SULF1: variants seen among roughly 807,000 people sequenced by gnomAD.
SULF1 encodes sulfatase 1.
SULF1 carries 46 observed loss-of-function variants against 110.5 expected under a neutral mutation model. The observed-to-expected ratio is 0.42, with a 90% CI of 0.33 to 0.53. The LOEUF (loss-of-function observed/expected upper bound fraction) is 0.53, where lower values mean the gene tolerates loss of function less well. Ranked by LOEUF, SULF1 falls within the 20% of genes least tolerant of loss-of-function variation. SULF1 has a pLI of 0.12. For synonymous variants in SULF1, 371 were observed against 387.1 expected (o/e 0.96, Z 0.49); for missense variants, 941 against 1,094.2 (o/e 0.86, Z 1.98).
chr8:69,474,644 A>G (rs1212062755), intron 1 of SULF1, among the ~76,000 whole-genome samples: 3 of 152,160 alleles, frequency 2.0e-5, no homozygotes, highest in Admixed American at 6.5e-5. Flanking sequence ...GACATGTAAT[A>G]TTTTTTACTT....
chr8:69,488,260 G>A (rs1294231124), upstream of SULF1, among the ~76,000 whole-genome samples: 1 of 152,192 alleles, frequency 6.6e-6, no homozygotes, highest in Non-Finnish European at 1.5e-5. Flanking sequence ...TGCCTGTGGA[G>A]ATGAGAAAAA....
intron 3 of SULF1, among the ~76,000 whole-genome samples, chr8:69,541,215 T>A (rs1050138814): frequency 6.6e-6 from 1 of 152,124 alleles, no homozygotes; most frequent in African/African-American, 2.4e-5. Context: ...GGCATCCACA[T>A]TACACAGAAA....
intron 2 of SULF1, among the ~76,000 whole-genome samples, chr8:69,498,872 A>G (rs1197316092): frequency 6.6e-6 from 1 of 152,126 alleles, no homozygotes; most frequent in Non-Finnish European, 1.5e-5. Context: ...AAAATTATTT[A>G]TTTTGAGACA....
At chr8:69,498,620 T>G (rs1178772568) in intron 2 of SULF1, among the ~76,000 whole-genome samples, 2 of 152,130 alleles carry the variant, frequency 1.3e-5, no homozygotes, top group African/African-American at 4.8e-5. Context: ...GTTTTAAATG[T>G]TATGAGTTCT....
chr8:69,616,792 A>G (rs918057128), intron 13 of SULF1, among the ~76,000 whole-genome samples: 3 of 150,632 alleles, frequency 2.0e-5, no homozygotes, highest in Admixed American at 6.6e-5. Flanking sequence ...ACCTCAGACA[A>G]TCCAGCCTCC....
At position 69,469,050 on chromosome 8, in the gene SULF1, C is replaced by T. The variant is rs62512971; in HGVS notation, c.-391+2100C>T. 8.7e-3 allele frequency among the ~76,000 whole-genome samples: 1,323 copies of T among 152,282 alleles called. 5 individuals are homozygous for T. Among genetic ancestry groups the T allele is most frequent in the Middle Eastern group, 0.021 (6 of 292 alleles). ...GAGATAATAAATTCACACCTTGAAA[C>T]GGCAGCCGTGTTTTTGTCCCCCTAA... On this transcript the variant is annotated intron_variant, in intron 1 of 22. Transcript: ENST00000260128.
At position 69,502,251 on chromosome 8, in the gene SULF1, T is replaced by A. The variant is rs114047967; in HGVS notation, c.-134+283T>A. Among the ~76,000 whole-genome samples the A allele has an allele frequency of 2.9e-3, 448 of 152,206 alleles. 3 individuals carry two copies. The highest frequency in any genetic ancestry group is 0.01 in the African/African-American group (424 of 41,478). On this transcript the variant is annotated intron_variant, in intron 3 of 22. Transcript: ENST00000402687. ...AAACAATCATATGACTATTGACATATTATGAGCTGCTCAGGAAGGAAGCTC... is the reference window on the plus strand; with the variant it reads ...AAACAATCATATGACTATTGACATAATATGAGCTGCTCAGGAAGGAAGCTC...
In SULF1 at chr8:69,563,910, G is replaced by T. The variant is rs1451582235; in HGVS notation, c.-60-6G>T. ...TCACCGTCTCCGTTTTTCTCTGACT[G>T]CCCAGAACTCCAGAAATCAGGAGAC... On this transcript the variant is annotated splice_region_variant and splice_polypyrimidine_tract_variant and intron_variant, in intron 4 of 22. Transcript: ENST00000402687. 6.5e-7 allele frequency: 1 copy of T among 1,547,784 alleles called. No individual in the cohort carries two copies. Among genetic ancestry groups the T allele is most frequent in the East Asian group, 2.3e-5 (1 of 44,312 alleles).
chr8:69,496,921 C>T (rs1810401657), intron 2 of SULF1, among the ~76,000 whole-genome samples: 1 of 152,176 alleles, frequency 6.6e-6, no homozygotes, highest in Non-Finnish European at 1.5e-5. Context: ...GGAAGCTCCT[C>T]AACTTTCTCT....
chr8:69,634,985 G>A (rs1810871796), intron 19 of SULF1, among the ~76,000 whole-genome samples: 1 of 152,136 alleles, frequency 6.6e-6, no homozygotes, highest in South Asian at 2.1e-4. Flanking sequence ...TAGTAGAGAA[G>A]GGGTTTCGCC....
chr8:69,504,230 T>C (rs546549692), intron 3 of SULF1, among the ~76,000 whole-genome samples: 4 of 152,218 alleles, frequency 2.6e-5, no homozygotes, highest in Admixed American at 6.5e-5. Context: ...ATCTTTATTA[T>C]GGGAAAATAC....
At chr8:69,534,818 G>A (rs546190041) in intron 3 of SULF1, among the ~76,000 whole-genome samples, 2 of 151,816 alleles carry the variant, frequency 1.3e-5, no homozygotes, top group South Asian at 4.2e-4. Flanking sequence ...TATAAGAACT[G>A]CCCTAAACAT....
intron 1 of SULF1, among the ~76,000 whole-genome samples, chr8:69,481,653 C>T (rs1809526547): frequency 6.6e-6 from 1 of 152,090 alleles, no homozygotes; most frequent in Non-Finnish European, 1.5e-5. Flanking sequence ...GTGTGTTGCT[C>T]CCCGCCATTG....
intron 1 of SULF1, among the ~76,000 whole-genome samples, chr8:69,495,549 A>T (rs1810286593): frequency 6.6e-6 from 1 of 152,134 alleles, no homozygotes; most frequent in Admixed American, 6.5e-5. Context: ...CTGCCAAATG[A>T]ATTTTTTTCT....
At chr8:69,468,653 T>C (rs1281975388) in intron 1 of SULF1, among the ~76,000 whole-genome samples, 1 of 152,152 alleles carries the variant, frequency 6.6e-6, no homozygotes, top group Non-Finnish European at 1.5e-5. Flanking sequence ...ACAATGGAAA[T>C]GAGGTTTTAA....
At chr8:69,569,496 A>G (rs1204386445) in intron 5 of SULF1, among the ~76,000 whole-genome samples, 3 of 152,236 alleles carry the variant, frequency 2.0e-5, no homozygotes, top group Admixed American at 1.3e-4. Context: ...GGGATCCCCC[A>G]CTACTGTGTT....
chr8:69,586,366 GA>G lies in SULF1; in HGVS notation c.426del (p.Lys142AsnfsTer21). On this transcript the variant is annotated frameshift_variant, in exon 7 of 23. Coordinates refer to ENST00000402687, the MANE Select transcript of SULF1 (RefSeq NM_001128205.2). LOFTEE classifies it high-confidence loss of function. ...TTTTTTCCCACTGCAGCCTTTTTTGGAAAATACCTCAATGAATATAATGGCA... is the reference window on the plus strand; with the variant it reads ...TTTTTTCCCACTGCAGCCTTTTTTGGAAATACCTCAATGAATATAATGGCA... ...NNTGYRTAFF[G>X]KYLNEYNGSY... 1 of 1,551,152 alleles carries G rather than the reference GA, an allele frequency of 6.4e-7. No homozygotes were observed.
At chr8:69,609,721 A>T (rs1808497177) in intron 13 of SULF1, among the ~76,000 whole-genome samples, 1 of 152,180 alleles carries the variant, frequency 6.6e-6, no homozygotes, top group East Asian at 1.9e-4. Context: ...ATGAATGGCA[A>T]TCACCACTCA....
intron 3 of SULF1, among the ~76,000 whole-genome samples, chr8:69,542,275 G>A (rs953527139): frequency 2.6e-5 from 4 of 152,136 alleles, no homozygotes; most frequent in Admixed American, 6.5e-5. Context: ...TATGATGGAA[G>A]CAGAAGACAT....
Sources: gnomAD v4.1 joint callset for allele counts (sites outside exome capture counted in the v4.1 genomes callset) on GRCh38, gnomAD v4.1.1 for gene constraint, MANE v1.5 for transcripts, NCBI Gene and HGNC (gene_info 2026-07-23, HGNC 2026-07-21) for gene names.